CCDC18: variants seen among roughly 807,000 people sequenced by gnomAD.
The protein encoded by CCDC18 is coiled-coil domain containing 18.
CCDC18 carries 157 observed loss-of-function variants against 196.0 expected under a neutral mutation model. That is an observed-to-expected ratio of 0.80 (90% CI 0.70 to 0.91). The LOEUF (loss-of-function observed/expected upper bound fraction) is 0.91, where lower values mean the gene tolerates loss of function less well. Ranked by LOEUF, CCDC18 falls within the 40% of genes least tolerant of loss-of-function variation. The probability of loss-of-function intolerance (pLI) is 0.00; values close to 1 mark genes in which losing one functional copy is unlikely to be tolerated. For synonymous variants in CCDC18, 482 were observed against 529.2 expected, an observed-to-expected ratio of 0.91 and a Z score of 1.22; for missense variants, 1,465 against 1,611.6, an observed-to-expected ratio of 0.91 and a Z score of 1.56.
At position 93,232,426 on chromosome 1, in the gene CCDC18, G is replaced by A; in HGVS notation, c.2293G>A (p.Val765Ile). The change falls in exon 18 of 29, where the codon GTA becomes ATA. Residue 765 changes from valine (V) to isoleucine (I), a missense_variant and splice_region_variant. Val to Ile is a conservative substitution (Grantham distance 29). Coordinates refer to ENST00000690025, the MANE Select transcript of CCDC18 (RefSeq NM_001378204.1). ...EKQLKKKSEE[V>I]YCLQKELKIK... ...AGAGATATATATATATATTTGCCAG[G>A]TATATTGTTTACAGAAAGAGCTAAA... 6.4e-7 allele frequency: 1 copy of A among 1,560,186 alleles called. No individual in the cohort carries two copies. The highest frequency in any genetic ancestry group is 8.8e-7 in the Non-Finnish European group (1 of 1,141,066).
chr1:93,207,066 A>T (rs755948382), intron 8 of CCDC18, 41 bp from the exon 9 acceptor site: 33 of 1,059,334 alleles, frequency 3.1e-5, no homozygotes, highest in Middle Eastern at 3.0e-4. Flanking sequence ...AAATGAATGC[A>T]TATATATTTT....
Position 93,267,787 on chromosome 1 carries a change from G to A in CCDC18, c.3886-2560G>A, listed in dbSNP as rs1221358366. On this transcript the variant is annotated intron_variant, in intron 27 of 28. Transcript: ENST00000690025. ...AACCACTGCTCAATGAAATAAAAGA[G>A]GACACAAACAAATGGGAGAACATTC... 1.3e-5 allele frequency among the ~76,000 whole-genome samples: 2 copies of A among 152,054 alleles called. 1 individual carries two copies. The highest frequency in any genetic ancestry group is 2.9e-5 in the Non-Finnish European group (2 of 68,022).
intron 23 of CCDC18, among the ~76,000 whole-genome samples, chr1:93,247,497 C>T (rs577086873): frequency 6.3e-4 from 96 of 152,234 alleles, no homozygotes; most frequent in African/African-American, 2.2e-3. Context: ...TCACTGCCGC[C>T]TCAACATCCC....
chr1:93,257,823 T>C (rs1663216461), intron 25 of CCDC18, among the ~76,000 whole-genome samples: 1 of 152,116 alleles, frequency 6.6e-6, no homozygotes, highest in South Asian at 2.1e-4. Flanking sequence ...AATTTTTTAA[T>C]TGACAGTGTT....
At chr1:93,223,641 C>T (rs1657802633) in intron 16 of CCDC18, among the ~76,000 whole-genome samples, 1 of 152,172 alleles carries the variant, frequency 6.6e-6, no homozygotes, top group South Asian at 2.1e-4. Context: ...CAGTTGTTAC[C>T]TGCTGTTAAA....
chr1:93,227,714 G>C (rs542999722), intron 17 of CCDC18, among the ~76,000 whole-genome samples: 71 of 151,940 alleles, frequency 4.7e-4, no homozygotes, highest in African/African-American at 1.7e-3. Flanking sequence ...AGCACTTGGG[G>C]AGGCCAAAGT....
At chr1:93,208,992 CTT>C (rs1655183448) in intron 9 of CCDC18, among the ~76,000 whole-genome samples, 1 of 151,804 alleles carries the variant, frequency 6.6e-6, no homozygotes, top group African/African-American at 2.4e-5. Flanking sequence ...AAGTTTCACT[CTT>C]GTTGCCCAGG....
chr1:93,236,171 C>T (rs1337379007), intron 18 of CCDC18, 77 bp from the exon 19 acceptor site: 2 of 1,191,518 alleles, frequency 1.7e-6, no homozygotes, highest in South Asian at 1.5e-5. Context: ...CATCTTGAAA[C>T]TGATAAGCTA....
chr1:93,185,991 G>A (rs1287755610), intron 3 of CCDC18, among the ~76,000 whole-genome samples: 2 of 151,882 alleles, frequency 1.3e-5, no homozygotes, highest in South Asian at 2.1e-4. Flanking sequence ...TCTGGACAAT[G>A]TAGCTATGAA....
chr1:93,253,595 G>A (rs1662551348), intron 23 of CCDC18, among the ~76,000 whole-genome samples: 1 of 152,218 alleles, frequency 6.6e-6, no homozygotes, highest in African/African-American at 2.4e-5. Flanking sequence ...GAGTAGCTCT[G>A]AGCTGGGACC....
intron 1 of CCDC18, among the ~76,000 whole-genome samples, chr1:93,182,429 G>C (rs1649884769): frequency 6.6e-6 from 1 of 152,148 alleles, no homozygotes; most frequent in Non-Finnish European, 1.5e-5. Flanking sequence ...TTGGAACTTG[G>C]GATGGGATCA....
In CCDC18 at chr1:93,222,086, G is replaced by A. The variant is rs1657524169; in HGVS notation, c.2175+150G>A. On this transcript the variant is annotated intron_variant, in intron 16 of 28. Transcript: ENST00000690025. Reference sequence around the variant, plus strand: ...CTGAGCTCAAGTAATCCTCCCACATGAGCCTCCTGAGCAGCTAGGACAAGC... The same window carrying A: ...CTGAGCTCAAGTAATCCTCCCACATAAGCCTCCTGAGCAGCTAGGACAAGC... 7.4e-6 allele frequency: 4 copies of A among 538,716 alleles called. No homozygotes were observed. In the East Asian group the frequency reaches 1.3e-4, roughly 18 times the overall value. 33.4% of individuals were successfully genotyped at this position (538,716 alleles called of 1,614,324 possible). A position where few individuals can be genotyped will look rare whatever the true frequency, so the allele number is the denominator to read the frequency against.
chr1:93,229,431 G>A (rs1219455004), intron 17 of CCDC18, among the ~76,000 whole-genome samples: 1 of 152,180 alleles, frequency 6.6e-6, no homozygotes, highest in Non-Finnish European at 1.5e-5. Flanking sequence ...GCAGAGTTGT[G>A]AAGTTTTCAT....
chr1:93,273,046 G>T (rs1053532454), intron 28 of CCDC18, among the ~76,000 whole-genome samples: 1 of 151,846 alleles, frequency 6.6e-6, no homozygotes, highest in African/African-American at 2.4e-5. Flanking sequence ...TAGTGGGAGA[G>T]AAATTTCTTT....
chr1:93,183,938 C>G, intron 2 of CCDC18, 40 bp from the exon 3 acceptor site: 2 of 1,314,718 alleles, frequency 1.5e-6, no homozygotes, highest in African/African-American at 3.0e-5. Flanking sequence ...AGTGAATAAA[C>G]TATCCAAGAA....
At position 93,214,821 on chromosome 1, in the gene CCDC18, T is replaced by G. The variant is rs1482920081; in HGVS notation, c.1574T>G (p.Ile525Arg). 1 of 1,613,538 alleles carries G rather than the reference T, an allele frequency of 6.2e-7. No homozygotes were observed. The highest frequency in any genetic ancestry group is 1.1e-5 in the South Asian group (1 of 91,062). Residue 525 changes from isoleucine (I) to arginine (R), a missense_variant, in exon 12 of 29, where the codon ATA (isoleucine) becomes AGA (arginine). By Grantham distance (97) the Ile-to-Arg change is moderately conservative. Coordinates refer to ENST00000690025, the MANE Select transcript of CCDC18 (RefSeq NM_001378204.1). ...GAGAGGCAAAGACTTGTTACTGGAATAGAAGAACTACGTACTAAGCTGATA... is the reference window on the plus strand; with the variant it reads ...GAGAGGCAAAGACTTGTTACTGGAAGAGAAGAACTACGTACTAAGCTGATA... ...EKERQRLVTG[I>R]EELRTKLIQI...
At chr1:93,250,223 G>GA (rs529027515) in intron 23 of CCDC18, among the ~76,000 whole-genome samples, 133 of 150,888 alleles carry the variant, frequency 8.8e-4, no homozygotes, top group East Asian at 4.3e-3. Flanking sequence ...TACAAAAAGT[G>GA]AAAAAAAATT....
chr1:93,223,575 G>A (rs1354397390), intron 16 of CCDC18, among the ~76,000 whole-genome samples: 1 of 152,156 alleles, frequency 6.6e-6, no homozygotes, highest in Non-Finnish European at 1.5e-5. Context: ...GTATCACTAA[G>A]CTAAAAGGTT....
In CCDC18 at chr1:93,207,132, G is replaced by A. The variant is rs1223789585; in HGVS notation, c.943G>A (p.Gly315Arg). Reference protein sequence around the residue: ...LRQLKEENNNGKEKLRIMAVK... With the variant: ...LRQLKEENNNRKEKLRIMAVK... The stretch of plus-strand genomic sequence containing the variant: ...GCAGTTAAAAGAAGAAAATAACAAC[G>A]GAAAAGAAAAATTAAGGATCATGGC... The change falls in exon 9 of 29, where the codon GGA becomes AGA. Residue 315 changes from glycine to arginine, a missense_variant. Gly to Arg is a moderately radical substitution (Grantham distance 125). Coordinates refer to ENST00000690025, the MANE Select transcript of CCDC18 (RefSeq NM_001378204.1). 1.3e-6 allele frequency: 2 copies of A among 1,513,496 alleles called. No homozygotes were observed. The allele number at this position is 1,513,496 out of a possible 1,614,324, so 93.8% of individuals were successfully genotyped here. A position where few individuals can be genotyped will look rare whatever the true frequency, so the allele number is the denominator to read the frequency against.
Sources: gnomAD v4.1 joint callset for allele counts (sites outside exome capture counted in the v4.1 genomes callset) on GRCh38, gnomAD v4.1.1 for gene constraint, MANE v1.5 for transcripts, NCBI Gene and HGNC (gene_info 2026-07-23, HGNC 2026-07-21) for gene names.